The following BOC variants were observed in gnomAD, a reference collection of about 807,000 sequenced individuals.
The protein encoded by BOC is brother of CDO.
BOC carries 76 observed loss-of-function variants against 112.0 expected under a neutral mutation model. That is an observed-to-expected ratio of 0.68 (90% CI 0.56 to 0.82). The LOEUF is 0.82. Among genes scored for constraint, BOC ranks in the 40% least tolerant of loss-of-function variants. BOC has a pLI of 0.00. For missense variants in BOC, 1,309 were observed against 1,511.7 expected (o/e 0.87, Z 2.22); for synonymous variants, 580 against 599.8 (o/e 0.97, Z 0.48).
rs765361722 is a variant in BOC at position 113,273,223 on chromosome 3, C to G, written c.1116C>G (p.Ser372=). 1.9e-6 allele frequency: 3 copies of G among 1,613,686 alleles called. No homozygotes were observed. The East Asian group carries it at 6.7e-5, about 36-fold the overall frequency. Residue 372 remains serine (S), a synonymous_variant, in exon 8 of 20, where the codon TCC becomes TCG. Transcript: ENST00000682979. ...TCTCCAGCCAGCGCCTCCGGCTCTC[C>G]CGCAGGGCCCTGCGCGTGCTCAGCA... is the stretch of plus-strand genomic sequence containing the variant. ...PLISSQRLRL[S]RRALRVLSMG... is the part of the protein sequence containing the mutation.
intron 2 of BOC, among the ~76,000 whole-genome samples, chr3:113,243,925 C>T (rs1016932152): frequency 2.6e-5 from 4 of 152,216 alleles, no homozygotes; most frequent in African/African-American, 9.6e-5. Context: ...TGGTTTTGTG[C>T]AACAAACCTC....
rs1184796711 is a variant in BOC at position 113,285,399 on chromosome 3, CTCTT to C, written c.2999_3002del (p.Phe1000TyrfsTer34). The stretch of plus-strand genomic sequence containing the variant: ...GTCCCAAGTCTAGCCCGGACGAGGG[CTCTT>C]TCTTATACACACTGCCCGACGACTC... On this transcript the variant is annotated frameshift_variant, in exon 19 of 20. Transcript: ENST00000682979. LOFTEE classifies it high-confidence loss of function. 7 of 1,613,470 alleles carry C rather than the reference CTCTT, an allele frequency of 4.3e-6. No individual in the cohort carries two copies. The highest frequency in any genetic ancestry group is 5.9e-6 in the Non-Finnish European group (7 of 1,179,884).
rs1396829671 is a variant in BOC, at chr3:113,274,357, T to C, written c.1235-18T>C. Reference sequence around the variant, plus strand: ...CCAGGAGACTAACCTTTCCTTCTGCTTCCTGTTGGTCCTCCAGGCATAACC... The same window carrying C: ...CCAGGAGACTAACCTTTCCTTCTGCCTCCTGTTGGTCCTCCAGGCATAACC... On this transcript the variant is annotated intron_variant, in intron 8 of 19. Transcript: ENST00000682979. The surrounding 1 kb of genome is among the most constrained non-coding windows in gnomAD (Gnocchi z 4.8). 1 of 1,492,554 alleles carries C rather than the reference T, an allele frequency of 6.7e-7. No individual in the cohort carries two copies. 92.5% of individuals were successfully genotyped at this position (1,492,554 alleles called of 1,614,324 possible).
intron 2 of BOC, among the ~76,000 whole-genome samples, chr3:113,221,183 G>T (rs773612744): frequency 6.6e-6 from 1 of 152,214 alleles, no homozygotes; most frequent in Non-Finnish European, 1.5e-5. Flanking sequence ...TTCACATAAA[G>T]CACACGAAAT....
chr3:113,219,736 A>G (rs1473509379), intron 2 of BOC, among the ~76,000 whole-genome samples: 1 of 152,176 alleles, frequency 6.6e-6, no homozygotes, highest in Non-Finnish European at 1.5e-5. Context: ...GAGATTCTGA[A>G]TGGCTCAGCA....
intron 2 of BOC, among the ~76,000 whole-genome samples, chr3:113,231,225 T>C (rs1188207443): frequency 1.3e-5 from 2 of 152,144 alleles, no homozygotes; most frequent in African/African-American, 2.4e-5. Flanking sequence ...CCTTTTTAAT[T>C]ACAAAAGCGA....
chr3:113,238,910 A>G (rs1943923125), intron 2 of BOC, among the ~76,000 whole-genome samples: 1 of 152,210 alleles, frequency 6.6e-6, no homozygotes, highest in African/African-American at 2.4e-5. Context: ...ATGTTTTAGA[A>G]AGAAGGTAGA....
chr3:113,222,035 C>T (rs1382229147), intron 2 of BOC, among the ~76,000 whole-genome samples: 1 of 152,184 alleles, frequency 6.6e-6, no homozygotes, highest in Non-Finnish European at 1.5e-5. Context: ...TCAATCAGGC[C>T]CCCTGCTTTC....
intron 9 of BOC, among the ~76,000 whole-genome samples, chr3:113,276,277 C>T (rs1403694441): frequency 3.3e-5 from 5 of 152,216 alleles, no homozygotes; most frequent in East Asian, 3.9e-4. Context: ...CGTGGTGATC[C>T]GGAAATGCCA....
chr3:113,278,532 G>C lies in BOC; in HGVS notation c.1706-141G>C, dbSNP rs572970409. 53 of 811,056 alleles carry C rather than the reference G, an allele frequency of 6.5e-5. No homozygotes were observed. In the East Asian group the frequency reaches 1.3e-3, roughly 21 times the overall value. 50.2% of individuals were successfully genotyped at this position (811,056 alleles called of 1,614,324 possible). A position where few individuals can be genotyped will look rare whatever the true frequency, so the allele number is the denominator to read the frequency against. On this transcript the variant is annotated intron_variant, in intron 10 of 19. Coordinates refer to ENST00000682979, the MANE Select transcript of BOC (RefSeq NM_001378074.1). The surrounding 1 kb of genome is among the most constrained non-coding windows in gnomAD (Gnocchi z 4.2). ...CAGAACCAGTCTCGGCCGAGGCTGAGCCCACACCCTCAGTGCCCCGGATGC... is the reference window on the plus strand; with the variant it reads ...CAGAACCAGTCTCGGCCGAGGCTGACCCCACACCCTCAGTGCCCCGGATGC...
chr3:113,273,988 G>A (rs572008585), intron 8 of BOC, among the ~76,000 whole-genome samples: 73 of 152,290 alleles, frequency 4.8e-4, no homozygotes, highest in African/African-American at 1.7e-3. Flanking sequence ...ACATGGTGCC[G>A]TGGTGTTAAA....
rs199701156 is a variant in BOC at position 113,268,415 on chromosome 3, G to A, written c.493G>A (p.Val165Ile). The A allele has an allele frequency of 1.0e-4, 167 of 1,614,096 alleles. No homozygotes were observed. In the African/African-American group the frequency reaches 1.5e-3, roughly 14 times the overall value. Residue 165 changes from valine (V) to isoleucine (I), a missense_variant, in exon 5 of 20, where the codon GTC (valine) becomes ATC (isoleucine). Coordinates refer to ENST00000682979, the MANE Select transcript of BOC (RefSeq NM_001378074.1). Reference sequence around the variant, plus strand: ...CCCCAAAGCCCAGGTCCGGTACAGCGTCAAACAAGAGTGGCTGGAGGCCTC... The same window carrying A: ...CCCCAAAGCCCAGGTCCGGTACAGCATCAAACAAGAGTGGCTGGAGGCCTC... ...SHPKAQVRYSVKQEWLEASRG... is the reference protein window; with the variant it reads ...SHPKAQVRYSIKQEWLEASRG...
chr3:113,236,300 A>G (rs1483558016), intron 2 of BOC, among the ~76,000 whole-genome samples: 1 of 122,714 alleles, frequency 8.1e-6, no homozygotes, highest in Non-Finnish European at 1.8e-5. Flanking sequence ...ATATATATAT[A>G]TATATATATA....
chr3:113,245,901 G>A (rs961993240), intron 2 of BOC, among the ~76,000 whole-genome samples: 6 of 152,192 alleles, frequency 3.9e-5, no homozygotes, highest in African/African-American at 9.7e-5. Context: ...TGGCATGGGC[G>A]TCCAGGGGAT....
Position 113,274,407 on chromosome 3 carries a change from C to T in BOC, c.1267C>T (p.Leu423=). The stretch of plus-strand genomic sequence containing the variant: ...CCCAAGGCTATGGCAGGATGCTGAG[C>T]TGGCTACTGGCACACCTCCTGTATC... ...ITPRLWQDAE[L]ATGTPPVSPS... Residue 423 remains leucine, a synonymous_variant, in exon 9 of 20, where the codon CTG becomes TTG. Coordinates refer to ENST00000682979, the MANE Select transcript of BOC (RefSeq NM_001378074.1). This position sits in a 1 kb window ranked among gnomAD's most constrained non-coding sequence, Gnocchi z 4.8. The T allele has an allele frequency of 1.3e-6, 2 of 1,569,746 alleles. No homozygotes were observed. The highest frequency in any genetic ancestry group is 3.4e-5 in the Admixed American group (2 of 58,092).
At chr3:113,271,700 T>A (rs543452209) in intron 6 of BOC, 2 of 170,562 alleles carry the variant, frequency 1.2e-5, no homozygotes, top group Admixed American at 5.4e-5. Flanking sequence ...GTGTCCCTGG[T>A]TGGCATATAA....
chr3:113,258,110 C>T (rs1234306501), intron 4 of BOC, among the ~76,000 whole-genome samples: 1 of 152,112 alleles, frequency 6.6e-6, no homozygotes, highest in Non-Finnish European at 1.5e-5. Context: ...CAGGGGATTG[C>T]GGAAGACTCA....
At chr3:113,280,704 G>T (rs1383678329) in intron 14 of BOC, 41 bp downstream of exon 14, 6 of 1,485,028 alleles carry the variant, frequency 4.0e-6, no homozygotes, top group Admixed American at 1.7e-5. Flanking sequence ...GCGTGATATA[G>T]TTTCCTCCGC....
intron 4 of BOC, among the ~76,000 whole-genome samples, chr3:113,265,544 T>C (rs369975642): frequency 1.3e-5 from 2 of 152,318 alleles, no homozygotes; most frequent in South Asian, 4.1e-4. Context: ...CGCACTGGCC[T>C]GAAGGAGGAT....
Sources: gnomAD v4.1 joint callset for allele counts (sites outside exome capture counted in the v4.1 genomes callset) on GRCh38, gnomAD v4.1.1 for gene constraint, Gnocchi (gnomAD v3.1) non-coding constraint, MANE v1.5 for transcripts, NCBI Gene and HGNC (gene_info 2026-07-23, HGNC 2026-07-21) for gene names.